The following KMT2C variants were observed in gnomAD, a reference collection of about 807,000 sequenced individuals.
The protein encoded by KMT2C is lysine methyltransferase 2C.
In KMT2C, 88 loss-of-function variants were observed where a neutral mutation model predicts 507.9. The ratio of observed to expected loss-of-function variants is 0.17; its 90% confidence interval spans 0.15 to 0.21. KMT2C has a LOEUF of 0.21. Ranked by LOEUF, KMT2C falls within the 10% of genes least tolerant of loss-of-function variation. The pLI is 1.00. For missense variants in KMT2C, 4,954 were observed against 5,957.8 expected (o/e 0.83, Z 5.55); for synonymous variants, 2,049 against 2,080.8 (o/e 0.98, Z 0.42).
At chr7:152,212,483 T>C (rs530380836) in intron 23 of KMT2C, among the ~76,000 whole-genome samples, 1 of 152,210 alleles carries the variant, frequency 6.6e-6, no homozygotes, top group African/African-American at 2.4e-5. Context: ...ATTATCCCTG[T>C]GTGCAGATGA....
chr7:152,252,611 G>A lies in KMT2C; in HGVS notation c.1404C>T (p.Pro468=), dbSNP rs1360382427. The A allele has an allele frequency of 4.3e-6, 7 of 1,613,510 alleles. No homozygotes were observed. The highest frequency in any genetic ancestry group is 1.6e-4 in the Middle Eastern group (1 of 6,080). ...CTGGATGATAACACTTCCCACAGAA[G>A]GGACATAAGTTATCCTGCTGTTGGT... ...NCYQQQDNLC[P]FCGKCYHPEL... The change falls in exon 10 of 59, where the codon CCC becomes CCT. Residue 468 remains proline (P), a synonymous_variant. Coordinates refer to ENST00000262189, the MANE Select transcript of KMT2C (RefSeq NM_170606.3).
At chr7:152,423,441 A>G (rs773127368) in intron 1 of KMT2C, among the ~76,000 whole-genome samples, 1 of 152,184 alleles carries the variant, frequency 6.6e-6, no homozygotes, top group Non-Finnish European at 1.5e-5. Flanking sequence ...AAAACATACA[A>G]TATTTCTTCA....
intron 8 of KMT2C, among the ~76,000 whole-genome samples, chr7:152,264,372 G>T: frequency 6.6e-6 from 1 of 152,148 alleles, no homozygotes; most frequent in Non-Finnish European, 1.5e-5. Flanking sequence ...AATCATGGGG[G>T]TGCAAGCGGA....
At position 152,134,948 on chromosome 7, in the gene KMT2C, T is replaced by G. The variant is rs929163084; in HGVS notation, c.*1884A>C. On this transcript the variant is annotated 3_prime_UTR_variant, in exon 59 of 59. Transcript: ENST00000262189. Reference sequence around the variant, plus strand: ...TCTTATAGATGTAAAATATTTTATTTGTAAATGGTGATCTTCTAAATCTGT... The same window carrying G: ...TCTTATAGATGTAAAATATTTTATTGGTAAATGGTGATCTTCTAAATCTGT... The G allele has an allele frequency of 4.5e-6, 1 of 220,526 alleles. No individual in the cohort carries two copies. The highest frequency in any genetic ancestry group is 2.2e-5 in the African/African-American group (1 of 44,664). The allele number at this position is 220,526 out of a possible 1,614,324, so 13.7% of individuals were successfully genotyped here. A position where few individuals can be genotyped will look rare whatever the true frequency, so the allele number is the denominator to read the frequency against.
Position 152,163,451 on chromosome 7 carries a change from G to T in KMT2C, c.10126C>A (p.Gln3376Lys). 1 of 1,614,228 alleles carries T rather than the reference G, an allele frequency of 6.2e-7. No homozygotes were observed. The change falls in exon 43 of 59, where the codon CAG (glutamine) becomes AAG (lysine). Residue 3376 changes from glutamine (Q) to lysine (K), a missense_variant. Physicochemically the swap from Gln to Lys is moderately conservative, Grantham distance 53. Coordinates refer to ENST00000262189, the MANE Select transcript of KMT2C (RefSeq NM_170606.3). ...TCTACCCGAGGTGGTGGTCCACTCT[G>T]TGGATTTGCATTTGAGACTGTCCCT... ...APGTVSNANPQSGPPPRVEFD... is the reference protein window; with the variant it reads ...APGTVSNANPKSGPPPRVEFD...
At chr7:152,204,928 C>A (rs1310482758) in intron 25 of KMT2C, among the ~76,000 whole-genome samples, 178 bp downstream of exon 25, 1 of 151,770 alleles carries the variant, frequency 6.6e-6, no homozygotes, top group African/African-American at 2.4e-5. Context: ...GATATGAACT[C>A]TATACGCACT....
At chr7:152,213,770 C>T (rs894290635) in intron 23 of KMT2C, among the ~76,000 whole-genome samples, 8 of 150,526 alleles carry the variant, frequency 5.3e-5, no homozygotes, top group East Asian at 1.9e-4. Context: ...AAAAAAACAC[C>T]GGGGTGAAAA....
intron 1 of KMT2C, among the ~76,000 whole-genome samples, chr7:152,386,412 T>C (rs371800477): frequency 0.039 from 4,265 of 110,484 alleles, no homozygotes; most frequent in South Asian, 0.14. Context: ...TTGAAAACCA[T>C]CTTCCAGGAA....
chr7:152,330,278 G>A (rs1159956024), intron 3 of KMT2C, among the ~76,000 whole-genome samples: 3 of 152,084 alleles, frequency 2.0e-5, no homozygotes, highest in Non-Finnish European at 2.9e-5. Context: ...TAAGTTTACA[G>A]GTAAGTATCA....
intron 1 of KMT2C, among the ~76,000 whole-genome samples, chr7:152,411,523 G>C (rs2097683397): frequency 6.6e-6 from 1 of 151,810 alleles, no homozygotes; most frequent in East Asian, 1.9e-4. Context: ...CACCATCTAT[G>C]AGAAAGAGGA....
chr7:152,228,588 T>C (rs959086001), intron 18 of KMT2C, among the ~76,000 whole-genome samples: 20 of 152,212 alleles, frequency 1.3e-4, no homozygotes, highest in Admixed American at 1.0e-3. Flanking sequence ...AGTGCACTAA[T>C]TGTCCAATCT....
chr7:152,176,451 T>G lies in KMT2C; in HGVS notation c.9002A>C (p.Asn3001Thr), dbSNP rs2093215038. The G allele has an allele frequency of 6.2e-7, 1 of 1,614,064 alleles. No individual in the cohort carries two copies. The highest frequency in any genetic ancestry group is 8.5e-7 in the Non-Finnish European group (1 of 1,180,046). ...PGLIPGQSTV[N>T]HSLGTGKPAT... ...AGGTTTTCCTGTCCCCAGACTGTGGTTAACTGTTGATTGACCTGGAATGAG... is the reference window on the plus strand; with the variant it reads ...AGGTTTTCCTGTCCCCAGACTGTGGGTAACTGTTGATTGACCTGGAATGAG... Residue 3001 changes from asparagine (N) to threonine (T), a missense_variant, in exon 38 of 59, where the codon AAC (asparagine) becomes ACC (threonine). Asn to Thr is a moderately conservative substitution (Grantham distance 65). Transcript: ENST00000262189.
intron 16 of KMT2C, among the ~76,000 whole-genome samples, chr7:152,232,691 C>T (rs375980210): frequency 6.6e-6 from 1 of 152,018 alleles, no homozygotes; most frequent in Non-Finnish European, 1.5e-5. Context: ...TGATGTGTTA[C>T]ATGCATAGTA....
intron 7 of KMT2C, among the ~76,000 whole-genome samples, chr7:152,266,981 T>C (rs1257552300): frequency 1.3e-5 from 2 of 152,148 alleles, no homozygotes; most frequent in Non-Finnish European, 2.9e-5. Flanking sequence ...AGCATTTGCA[T>C]TGCTAGCCAC....
intron 2 of KMT2C, among the ~76,000 whole-genome samples, chr7:152,353,695 T>C (rs1356704208): frequency 1.3e-5 from 2 of 152,044 alleles, no homozygotes; most frequent in Non-Finnish European, 2.9e-5. Flanking sequence ...GACGGGTTTT[T>C]GCCATGTTGC....
In KMT2C at chr7:152,179,875, A is replaced by G. The variant is rs751401073; in HGVS notation, c.7401T>C (p.Pro2467=). The part of the protein sequence containing the change: ...VFPKDQRGPY[P]PDVASMGMRP... ...TCATCCCCATACTAGCAACATCAGG[A>G]GGATAGGGTCCACGCTGATCTTTTG... Residue 2467 remains proline (P), a synonymous_variant, in exon 37 of 59, where the codon CCT becomes CCC. Transcript: ENST00000262189. 6.2e-7 allele frequency: 1 copy of G among 1,614,118 alleles called. No homozygotes were observed. Among genetic ancestry groups the G allele is most frequent in the Non-Finnish European group, 8.5e-7 (1 of 1,179,986 alleles).
intron 3 of KMT2C, among the ~76,000 whole-genome samples, chr7:152,321,222 C>A (rs536632570): frequency 1.6e-4 from 25 of 151,940 alleles, no homozygotes; most frequent in African/African-American, 5.5e-4. Context: ...CAGAGCAAGA[C>A]TCCCTTTCAA....
At chr7:152,212,055 G>A (rs1021806678) in intron 23 of KMT2C, among the ~76,000 whole-genome samples, 8 of 151,856 alleles carry the variant, frequency 5.3e-5, no homozygotes, top group Admixed American at 2.6e-4. Context: ...CGAAAGAAAC[G>A]AAGAAAAGAG....
chr7:152,368,917 A>G (rs1429740138), intron 1 of KMT2C, among the ~76,000 whole-genome samples: 5 of 151,996 alleles, frequency 3.3e-5, no homozygotes, highest in African/African-American at 9.7e-5. Context: ...TATTAAACAG[A>G]TATCTTCAGT....
Sources: gnomAD v4.1 joint callset for allele counts (sites outside exome capture counted in the v4.1 genomes callset) on GRCh38, gnomAD v4.1.1 for gene constraint, MANE v1.5 for transcripts, NCBI Gene and HGNC (gene_info 2026-07-23, HGNC 2026-07-21) for gene names.